The following ADARB2 variants were observed in gnomAD, a reference collection of about 807,000 sequenced individuals.
ADARB2 encodes inactive double-stranded RNA-specific editase B2.
In ADARB2, 25 loss-of-function variants were observed where a neutral mutation model predicts 62.2. That is an observed-to-expected ratio of 0.40 (90% confidence interval 0.29 to 0.56). The LOEUF is 0.56. Ranked by LOEUF, ADARB2 falls within the 20% of genes least tolerant of loss-of-function variation. The probability of loss-of-function intolerance (pLI) is 0.43; values close to 1 mark genes in which losing one functional copy is unlikely to be tolerated. For synonymous variants in ADARB2, 572 were observed against 500.8 expected, an observed-to-expected ratio of 1.14 and a Z score of -1.90; for missense variants, 1,071 against 1,077.4, an observed-to-expected ratio of 0.99 and a Z score of 0.08.
intron 1 of ADARB2, among the ~76,000 whole-genome samples, chr10:1,511,641 C>G (rs1217528335): frequency 1.3e-5 from 2 of 151,932 alleles, no homozygotes; most frequent in Non-Finnish European, 2.9e-5. Flanking sequence ...ATGGAGCTGT[C>G]TACACTGGAT....
intron 4 of ADARB2, among the ~76,000 whole-genome samples, chr10:1,252,916 T>A (rs1831048957): frequency 6.6e-6 from 1 of 152,184 alleles, no homozygotes; most frequent in African/African-American, 2.4e-5. Context: ...TCTAAACATT[T>A]CAAATGCATT....
At chr10:1,463,452 T>C (rs1831204168) in intron 1 of ADARB2, among the ~76,000 whole-genome samples, 2 of 152,202 alleles carry the variant, frequency 1.3e-5, no homozygotes, top group Non-Finnish European at 2.9e-5. Context: ...GGCAGCAGGT[T>C]TGATGCCGTC....
intron 9 of ADARB2, among the ~76,000 whole-genome samples, chr10:1,184,085 G>A (rs539543926): frequency 1.9e-4 from 29 of 152,324 alleles, no homozygotes; most frequent in South Asian, 4.1e-4. Context: ...GATGCTGGGC[G>A]TCTCGGCCAA....
At chr10:1,299,456 G>A (rs998549613) in intron 3 of ADARB2, among the ~76,000 whole-genome samples, 4 of 152,196 alleles carry the variant, frequency 2.6e-5, no homozygotes, top group Non-Finnish European at 4.4e-5. Context: ...ACTTTAAGTC[G>A]CAAGCAGTGA....
At chr10:1,211,231 G>T (rs969274517) in intron 7 of ADARB2, among the ~76,000 whole-genome samples, 1 of 151,748 alleles carries the variant, frequency 6.6e-6, no homozygotes, top group Non-Finnish European at 1.5e-5. Flanking sequence ...CCTATCATCT[G>T]TCATCTATTA....
intron 1 of ADARB2, among the ~76,000 whole-genome samples, chr10:1,733,433 AAG>A (rs1048525635): frequency 7.2e-5 from 11 of 152,334 alleles, no homozygotes; most frequent in Non-Finnish European, 8.8e-5. Flanking sequence ...ACATTCACAA[AAG>A]AGAGAAAAAC....
chr10:1,352,648 C>G (rs532378097), intron 3 of ADARB2, among the ~76,000 whole-genome samples: 2 of 152,354 alleles, frequency 1.3e-5, no homozygotes, highest in South Asian at 4.1e-4. Flanking sequence ...ATGCTCAACT[C>G]ATTCTCTGCA....
At chr10:1,554,351 A>G (rs184929190) in intron 1 of ADARB2, among the ~76,000 whole-genome samples, 1 of 152,274 alleles carries the variant, frequency 6.6e-6, no homozygotes, top group African/African-American at 2.4e-5. Context: ...CTCTGGTTTA[A>G]ACGCAGAGAG....
At chr10:1,572,382 A>G (rs879698100) in intron 1 of ADARB2, among the ~76,000 whole-genome samples, 6 of 152,156 alleles carry the variant, frequency 3.9e-5, no homozygotes, top group Non-Finnish European at 7.4e-5. Context: ...TCAGGCAGCT[A>G]TGCTGTGACG....
In ADARB2 at chr10:1,407,663, G is replaced by A. The variant is rs561519437; in HGVS notation, c.101-28503C>T. Among the ~76,000 whole-genome samples, 6 of 152,264 alleles carry A rather than the reference G, an allele frequency of 3.9e-5. No homozygotes were observed. The South Asian group carries it at 1.2e-3, about 32-fold the overall frequency. Reference sequence around the variant, plus strand: ...AGCACTGGCAGAGACGATCTTCCTGGGGCTTCTGAGAATTCAAGATCCTGG... The same window carrying A: ...AGCACTGGCAGAGACGATCTTCCTGAGGCTTCTGAGAATTCAAGATCCTGG... On this transcript the variant is annotated intron_variant, in intron 1 of 9. Transcript: ENST00000381312.
chr10:1,545,013 G>T (rs1832499056), intron 1 of ADARB2, among the ~76,000 whole-genome samples: 1 of 103,974 alleles, frequency 9.6e-6, no homozygotes, highest in South Asian at 3.2e-4. Flanking sequence ...AATGTGGATG[G>T]TCCCTGGGAA....
chr10:1,404,514 C>A (rs1832690443), intron 1 of ADARB2, among the ~76,000 whole-genome samples: 1 of 152,188 alleles, frequency 6.6e-6, no homozygotes. Context: ...CCGCCTGTGC[C>A]CTGAAAAAAG....
intron 1 of ADARB2, among the ~76,000 whole-genome samples, chr10:1,516,561 G>A (rs1428247934): frequency 6.6e-6 from 1 of 151,682 alleles, no homozygotes; most frequent in South Asian, 2.1e-4. Flanking sequence ...GCTGCTGTGT[G>A]CTGTGCGGGC....
intron 3 of ADARB2, among the ~76,000 whole-genome samples, chr10:1,293,209 A>AGGGAGGGAGGGACG (rs1831490296): frequency 3.2e-5 from 3 of 94,402 alleles, no homozygotes; most frequent in South Asian, 9.5e-4. Flanking sequence ...AAAAAGAGGG[A>AGGGAGGGAGGGACG]GGGAGGGAGA....
At position 1,249,616 on chromosome 10, in the gene ADARB2, G is replaced by GCACACA. The variant is rs58472524; in HGVS notation, c.1193-7323_1193-7318dup. Among the ~76,000 whole-genome samples the GCACACA allele has an allele frequency of 5.4e-3, 794 of 147,446 alleles. 4 individuals are homozygous for GCACACA. The highest frequency in any genetic ancestry group is 0.016 in the African/African-American group (650 of 40,320). On this transcript the variant is annotated intron_variant, in intron 4 of 9. Coordinates refer to ENST00000381312, the MANE Select transcript of ADARB2 (RefSeq NM_018702.4). Reference sequence around the variant, plus strand: ...ATTTTTTTCCTGAATGTGATTTTATGCACACACACACACACACACACACAT... The same window carrying GCACACA: ...ATTTTTTTCCTGAATGTGATTTTATGCACACACACACACACACACACACACACACAT...
At position 1,477,526 on chromosome 10, in the gene ADARB2, T is replaced by C. The variant is rs917609205; in HGVS notation, c.101-98366A>G. On this transcript the variant is annotated intron_variant, in intron 1 of 9. Coordinates refer to ENST00000381312, the MANE Select transcript of ADARB2 (RefSeq NM_018702.4). This position sits in a 1 kb window ranked among gnomAD's most constrained non-coding sequence, Gnocchi z 4.5. The stretch of plus-strand genomic sequence containing the variant: ...CTTTCTCTAATAAATCTGCCTTCTT[T>C]ACCCACGACTGTCTTGGTAAATTCT... 1.3e-5 allele frequency among the ~76,000 whole-genome samples: 2 copies of C among 152,146 alleles called. No homozygotes were observed. The highest frequency in any genetic ancestry group is 6.5e-5 in the Admixed American group (1 of 15,268).
chr10:1,630,442 G>T (rs557931687), intron 1 of ADARB2, among the ~76,000 whole-genome samples: 36 of 152,228 alleles, frequency 2.4e-4, no homozygotes, highest in Non-Finnish European at 4.3e-4. Flanking sequence ...GAGGAAAGTG[G>T]CTTACCCTGT....
chr10:1,520,682 A>C (rs1832062367), intron 1 of ADARB2, among the ~76,000 whole-genome samples: 1 of 152,250 alleles, frequency 6.6e-6, no homozygotes, highest in African/African-American at 2.4e-5. Flanking sequence ...AAATGGCTAG[A>C]CTAAAAATCT....
intron 1 of ADARB2, among the ~76,000 whole-genome samples, chr10:1,557,339 C>T (rs1758200159): frequency 6.6e-6 from 1 of 152,044 alleles, no homozygotes; most frequent in Admixed American, 6.5e-5. Context: ...TGACCTTGAC[C>T]CTGGCAGCTC....
Sources: gnomAD v4.1 joint callset for allele counts (sites outside exome capture counted in the v4.1 genomes callset) on GRCh38, gnomAD v4.1.1 for gene constraint, Gnocchi (gnomAD v3.1) non-coding constraint, MANE v1.5 for transcripts, NCBI Gene and HGNC (gene_info 2026-07-23, HGNC 2026-07-21) for gene names.